GRIK4: variants seen among roughly 807,000 people sequenced by gnomAD.
GRIK4 encodes the protein glutamate ionotropic receptor kainate type subunit 4.
A neutral mutation model predicts 104.9 loss-of-function variants in GRIK4; 40 were observed. The observed-to-expected ratio is 0.38, with a 90% CI of 0.30 to 0.50. GRIK4 has a LOEUF of 0.50. GRIK4 is among the 20% of genes least tolerant of loss of function. The pLI, the probability that GRIK4 is intolerant of heterozygous loss-of-function variation, is 0.93. For synonymous variants in GRIK4, 485 were observed against 524.9 expected, an observed-to-expected ratio of 0.92 and a Z score of 1.04; for missense variants, 1,047 against 1,308.1, an observed-to-expected ratio of 0.80 and a Z score of 3.08.
chr11:120,896,364 T>G (rs912944635), intron 11 of GRIK4, among the ~76,000 whole-genome samples: 1 of 152,234 alleles, frequency 6.6e-6, no homozygotes, highest in Admixed American at 6.5e-5. Context: ...GCTTGTTGTA[T>G]GGATGTGTAT....
intron 1 of GRIK4, among the ~76,000 whole-genome samples, chr11:120,539,999 C>G (rs1008959629): frequency 6.6e-6 from 1 of 152,006 alleles, no homozygotes; most frequent in African/African-American, 2.4e-5. Flanking sequence ...GTTATTGGAC[C>G]AAGAAGGGAG....
chr11:120,534,619 G>A (rs557604236), intron 1 of GRIK4, among the ~76,000 whole-genome samples: 4 of 152,156 alleles, frequency 2.6e-5, no homozygotes, highest in Non-Finnish European at 5.9e-5. Flanking sequence ...AGTCCATGGT[G>A]GAAAACGCTG....
Position 120,802,780 on chromosome 11 carries a change from A to AGAGGCTG in GRIK4, c.172_178dup (p.Gly60GlufsTer13). On this transcript the variant is annotated frameshift_variant, in exon 4 of 21. Transcript: ENST00000527524. LOFTEE classifies it high-confidence loss of function. ...AAGAACCGCATCAACCGCGCTCCTGAGAGGCTGGGCAAGGCCAAGGTCGAA... is the reference window on the plus strand; with the variant it reads ...AAGAACCGCATCAACCGCGCTCCTGAGAGGCTGGAGGCTGGGCAAGGCCAAGGTCGAA... 6.2e-7 allele frequency: 1 copy of AGAGGCTG among 1,614,162 alleles called. No individual in the cohort carries two copies. Among genetic ancestry groups the AGAGGCTG allele is most frequent in the South Asian group, 1.1e-5 (1 of 91,084 alleles).
intron 3 of GRIK4, among the ~76,000 whole-genome samples, chr11:120,749,844 A>C (rs1951516031): frequency 1.3e-5 from 2 of 152,164 alleles, no homozygotes; most frequent in South Asian, 4.1e-4. Context: ...TTTAAAATTT[A>C]CTTTTATGCT....
intron 8 of GRIK4, among the ~76,000 whole-genome samples, chr11:120,842,071 A>C (rs914990716): frequency 6.6e-6 from 1 of 152,198 alleles, no homozygotes; most frequent in Admixed American, 6.5e-5. Context: ...CCACCTTTTA[A>C]AAATCTTGGT....
Position 120,744,901 on chromosome 11 carries a change from A to G in GRIK4, c.83-57792A>G, listed in dbSNP as rs61901421. ...GAGGTTTCAAGGTAATAACTGGACC[A>G]TCAGAATCATCATTATCCATTTAAA... On this transcript the variant is annotated intron_variant, in intron 3 of 20. Coordinates refer to ENST00000527524, the MANE Select transcript of GRIK4 (RefSeq NM_014619.5). Among the ~76,000 whole-genome samples the G allele has an allele frequency of 9.2e-3, 1,405 of 152,352 alleles. 25 individuals are homozygous for G. Among genetic ancestry groups the G allele is most frequent in the Middle Eastern group, 0.01 (3 of 294 alleles).
intron 2 of GRIK4, among the ~76,000 whole-genome samples, chr11:120,655,704 C>T (rs1351014839): frequency 2.0e-5 from 3 of 152,082 alleles, no homozygotes; most frequent in Non-Finnish European, 4.4e-5. Context: ...ATTTAGGAGG[C>T]AGCGCTGTCA....
chr11:120,951,421 G>C (rs1591322308), intron 14 of GRIK4, among the ~76,000 whole-genome samples: 1 of 152,222 alleles, frequency 6.6e-6, no homozygotes, highest in Non-Finnish European at 1.5e-5. Context: ...GTTTAGCTCG[G>C]TATTGGCAAA....
intron 3 of GRIK4, among the ~76,000 whole-genome samples, chr11:120,687,787 C>T (rs1950298682): frequency 6.6e-6 from 1 of 152,156 alleles, no homozygotes; most frequent in African/African-American, 2.4e-5. Context: ...CAGAGCAGAG[C>T]CACCATTAGT....
chr11:120,685,816 C>G (rs1950266428), intron 3 of GRIK4, among the ~76,000 whole-genome samples: 1 of 152,138 alleles, frequency 6.6e-6, no homozygotes, highest in Non-Finnish European at 1.5e-5. Flanking sequence ...GCTAACAACT[C>G]CTTTCTTGTC....
intron 4 of GRIK4, among the ~76,000 whole-genome samples, chr11:120,813,620 A>G (rs936376790): frequency 6.6e-6 from 1 of 152,154 alleles, no homozygotes; most frequent in Non-Finnish European, 1.5e-5. Context: ...GTAAATTGCA[A>G]TGCTGGGATT....
intron 11 of GRIK4, among the ~76,000 whole-genome samples, chr11:120,889,526 A>G (rs1342978650): frequency 6.8e-6 from 1 of 147,512 alleles, no homozygotes; most frequent in Non-Finnish European, 1.5e-5. Flanking sequence ...GTTATGGTTC[A>G]TCTGACTTTG....
At chr11:120,963,989 T>TTAA (rs1944339361) in intron 18 of GRIK4, among the ~76,000 whole-genome samples, 1 of 9,638 alleles carries the variant, frequency 1.0e-4, no homozygotes, top group South Asian at 2.2e-3. Context: ...ATTTATTTAT[T>TTAA]TATTTATTTT....
chr11:120,781,062 G>A (rs999412612), intron 3 of GRIK4, among the ~76,000 whole-genome samples: 1 of 151,856 alleles, frequency 6.6e-6, no homozygotes, highest in Non-Finnish European at 1.5e-5. Context: ...TTTTTATAGT[G>A]GCTGTACCAT....
intron 3 of GRIK4, among the ~76,000 whole-genome samples, chr11:120,670,177 T>C (rs1320855923): frequency 6.6e-6 from 1 of 152,240 alleles, no homozygotes; most frequent in East Asian, 1.9e-4. Context: ...TCTCACCACC[T>C]CAGCAGGTGC....
intron 19 of GRIK4, among the ~76,000 whole-genome samples, chr11:120,975,597 C>A (rs773244564): frequency 6.6e-6 from 1 of 152,178 alleles, no homozygotes; most frequent in Non-Finnish European, 1.5e-5. Context: ...ATCATCGATT[C>A]AAACATGCGA....
intron 3 of GRIK4, among the ~76,000 whole-genome samples, chr11:120,781,985 T>C (rs1156578708): frequency 6.6e-6 from 1 of 152,178 alleles, no homozygotes; most frequent in Non-Finnish European, 1.5e-5. Context: ...CAACTTGGCA[T>C]GTTCTTCCTC....
Position 120,903,847 on chromosome 11 carries a change from G to A in GRIK4, c.1273-1443G>A, listed in dbSNP as rs535082466. 6.6e-6 allele frequency among the ~76,000 whole-genome samples: 1 copy of A among 152,266 alleles called. No individual in the cohort carries two copies. The highest frequency in any genetic ancestry group is 2.4e-5 in the African/African-American group (1 of 41,550). ...AGTCCTCATCCTACGGAGTCCTGCT[G>A]CCCCCACCACGCCTGCCTTCAAAAG... is the stretch of plus-strand genomic sequence containing the variant. On this transcript the variant is annotated intron_variant, in intron 12 of 20. Coordinates refer to ENST00000527524, the MANE Select transcript of GRIK4 (RefSeq NM_014619.5). This position sits in a 1 kb window ranked among gnomAD's most constrained non-coding sequence, Gnocchi z 4.4.
chr11:120,884,990 G>A (rs975624714), intron 11 of GRIK4, among the ~76,000 whole-genome samples: 3 of 152,204 alleles, frequency 2.0e-5, no homozygotes, highest in South Asian at 2.1e-4. Context: ...CATTAAAACC[G>A]TGAGTTCAAT....
Sources: gnomAD v4.1 joint callset for allele counts (sites outside exome capture counted in the v4.1 genomes callset) on GRCh38, gnomAD v4.1.1 for gene constraint, Gnocchi (gnomAD v3.1) non-coding constraint, MANE v1.5 for transcripts, NCBI Gene and HGNC (gene_info 2026-07-23, HGNC 2026-07-21) for gene names.